QRFPR: variants seen among roughly 807,000 people sequenced by gnomAD.
The protein encoded by QRFPR is pyroglutamylated RFamide peptide receptor, also known as pyroglutamylated RF-amide peptide receptor.
A neutral mutation model predicts 31.3 loss-of-function variants in QRFPR; 37 were observed. The ratio of observed to expected loss-of-function variants is 1.18; its 90% CI spans 0.91 to 1.56. The LOEUF is 1.56. QRFPR is among the 40% of genes most tolerant of loss of function. The probability of loss-of-function intolerance (pLI) is 0.00; values close to 1 mark genes in which losing one functional copy is unlikely to be tolerated. For missense variants in QRFPR, 542 were observed against 532.5 expected (o/e 1.02, Z -0.18); for synonymous variants, 197 against 192.0 (o/e 1.03, Z -0.22).
chr4:121,361,291 A>G (rs1725986725), intron 1 of QRFPR, among the ~76,000 whole-genome samples: 1 of 150,112 alleles, frequency 6.7e-6, no homozygotes, highest in African/African-American at 2.5e-5. Flanking sequence ...AGACAAGTAA[A>G]AGTGATAGTG....
chr4:121,347,359 T>A (rs1451596434), intron 1 of QRFPR, among the ~76,000 whole-genome samples: 3 of 152,140 alleles, frequency 2.0e-5, no homozygotes, highest in Non-Finnish European at 4.4e-5. Context: ...AATTGCCTTA[T>A]ACCGCTTTTC....
chr4:121,375,121 A>T (rs554118493), intron 1 of QRFPR, among the ~76,000 whole-genome samples: 2 of 152,270 alleles, frequency 1.3e-5, no homozygotes, highest in South Asian at 4.2e-4. Flanking sequence ...GCAGGCTAGC[A>T]TTAGAACTGA....
intron 1 of QRFPR, among the ~76,000 whole-genome samples, chr4:121,365,558 A>ATATATTATATATATTATATAT (rs1726094435): frequency 1.9e-4 from 1 of 5,168 alleles, no homozygotes; most frequent in Non-Finnish European, 2.8e-4. Flanking sequence ...ATAATATATA[A>ATATATTATATATATTATATAT]TATATATTAT....
intron 1 of QRFPR, among the ~76,000 whole-genome samples, chr4:121,368,711 C>G (rs1726173143): frequency 7.4e-6 from 1 of 135,210 alleles, no homozygotes; most frequent in Non-Finnish European, 1.6e-5. Flanking sequence ...CCAGAGTCGT[C>G]TCAGCCAGTC....
At chr4:121,365,655 T>TA (rs1181823171) in intron 1 of QRFPR, among the ~76,000 whole-genome samples, 2 of 27,956 alleles carry the variant, frequency 7.2e-5, no homozygotes, top group African/African-American at 1.5e-4. Flanking sequence ...ATATTATATA[T>TA]TATATATATT....
chr4:121,336,755 G>A, intron 3 of QRFPR, 52 bp downstream of exon 3: 1 of 1,367,762 alleles, frequency 7.3e-7, no homozygotes. Context: ...ACAATTAAGA[G>A]GGGTGAGAAA....
chr4:121,329,254 A>G lies in QRFPR; in HGVS notation c.*60T>C. 1.5e-6 allele frequency: 2 copies of G among 1,319,598 alleles called. No individual in the cohort carries two copies. The highest frequency in any genetic ancestry group is 2.1e-6 in the Non-Finnish European group (2 of 959,042). 81.7% of individuals were successfully genotyped at this position (1,319,598 alleles called of 1,614,324 possible). On this transcript the variant is annotated 3_prime_UTR_variant, in exon 6 of 6. Transcript: ENST00000394427. ...AAAAAGAGTATTTGACCTTTGCTCAAAATAATTTTCTCTTTGGGTTACAAT... is the reference window on the plus strand; with the variant it reads ...AAAAAGAGTATTTGACCTTTGCTCAGAATAATTTTCTCTTTGGGTTACAAT...
chr4:121,351,852 A>AC (rs969605938), intron 1 of QRFPR, among the ~76,000 whole-genome samples: 4 of 152,038 alleles, frequency 2.6e-5, no homozygotes, highest in Non-Finnish European at 5.9e-5. Flanking sequence ...GTAAAAAAAA[A>AC]AAAAGAATGT....
intron 3 of QRFPR, among the ~76,000 whole-genome samples, chr4:121,335,224 TA>T (rs1289905510): frequency 9.5e-6 from 1 of 104,816 alleles, no homozygotes; most frequent in Non-Finnish European, 2.5e-5. Context: ...CTATATTAAA[TA>T]AAACAAAATG....
At chr4:121,365,674 T>TATATATATA (rs1267321668) in intron 1 of QRFPR, among the ~76,000 whole-genome samples, 6 of 29,668 alleles carry the variant, frequency 2.0e-4, no homozygotes, top group South Asian at 1.2e-3. Context: ...TTTTATATAT[T>TATATATATA]ATATATATAT....
chr4:121,343,738 T>A, intron 1 of QRFPR, among the ~76,000 whole-genome samples: 1 of 152,198 alleles, frequency 6.6e-6, no homozygotes, highest in Non-Finnish European at 1.5e-5. Flanking sequence ...TTATAAATAA[T>A]TTGGTTGAAA....
intron 1 of QRFPR, among the ~76,000 whole-genome samples, chr4:121,375,209 G>C (rs1201317397): frequency 6.6e-6 from 1 of 152,116 alleles, no homozygotes; most frequent in Non-Finnish European, 1.5e-5. Context: ...GCTACCACGA[G>C]TCCCATTCTC....
chr4:121,331,803 C>T (rs996001475), intron 4 of QRFPR, among the ~76,000 whole-genome samples: 3 of 151,928 alleles, frequency 2.0e-5, no homozygotes, highest in Non-Finnish European at 2.9e-5. Context: ...CAGGCACCCA[C>T]GACCACGCCT....
At chr4:121,374,648 C>T (rs1726317270) in intron 1 of QRFPR, among the ~76,000 whole-genome samples, 1 of 152,074 alleles carries the variant, frequency 6.6e-6, no homozygotes, top group Admixed American at 6.5e-5. Flanking sequence ...GGGTAGGAAC[C>T]AGGCATCTGT....
At chr4:121,369,657 G>A in intron 1 of QRFPR, 8 of 1,587,852 alleles carry the variant, frequency 5.0e-6, no homozygotes, top group Non-Finnish European at 6.9e-6. Context: ...TACTTCTGAA[G>A]GGATCTCAGT....
Position 121,332,994 on chromosome 4 carries a change from A to G in QRFPR, c.624T>C (p.Pro208=). The G allele has an allele frequency of 6.4e-7, 1 of 1,570,960 alleles. No individual in the cohort carries two copies. Among genetic ancestry groups the G allele is most frequent in the Non-Finnish European group, 8.6e-7 (1 of 1,160,076 alleles). ...AGGTGGTGTAGATCTTCTGGTGCAC[A>G]GGGCTGGTCCACTCTTCTAAGCAGC... The part of the protein sequence containing the change: ...HICCLEEWTS[P]VHQKIYTTFI... The change falls in exon 4 of 6, where the codon CCT becomes CCC. Residue 208 remains proline, a synonymous_variant. Transcript: ENST00000394427.
At chr4:121,352,989 C>T (rs2090025) in intron 1 of QRFPR, among the ~76,000 whole-genome samples, 92,638 of 151,472 alleles carry the variant, frequency 0.61, 29,914 homozygotes, top group Non-Finnish European at 0.71. Context: ...GTGCCTGCCA[C>T]ATTTCACTCA....
At chr4:121,370,518 C>G (rs367582001) in intron 1 of QRFPR, among the ~76,000 whole-genome samples, 1 of 152,214 alleles carries the variant, frequency 6.6e-6, no homozygotes, top group African/African-American at 2.4e-5. Context: ...CCTGCTGCCG[C>G]GGGACTGCCT....
At chr4:121,343,333 G>A (rs1725580194) in intron 1 of QRFPR, among the ~76,000 whole-genome samples, 1 of 152,154 alleles carries the variant, frequency 6.6e-6, no homozygotes, top group Non-Finnish European at 1.5e-5. Context: ...GGGGAAAAAT[G>A]TACTTAGATA....
Sources: allele counts gnomAD v4.1 joint callset (sites outside exome capture counted in the v4.1 genomes callset), GRCh38; gene constraint gnomAD v4.1.1; transcripts MANE v1.5; gene names NCBI Gene and HGNC (gene_info 2026-07-23, HGNC 2026-07-21).